The following GAREM1 variants were observed in gnomAD, a reference collection of about 807,000 sequenced individuals.
GAREM1 encodes the protein GRB2-associated and regulator of MAPK protein 1.
Under a neutral mutation model 71.3 loss-of-function variants are expected in GAREM1, and 26 were observed. The observed-to-expected ratio is 0.36, with a 90% confidence interval of 0.27 to 0.51. The LOEUF (loss-of-function observed/expected upper bound fraction) is 0.51, where lower values mean the gene tolerates loss of function less well. GAREM1 is among the 20% of genes least tolerant of loss of function. The probability of loss-of-function intolerance (pLI) is 0.95; values close to 1 mark genes in which losing one functional copy is unlikely to be tolerated. For missense variants in GAREM1, 1,026 were observed against 1,103.1 expected, an observed-to-expected ratio of 0.93 and a Z score of 0.99; for synonymous variants, 440 against 433.2, an observed-to-expected ratio of 1.02 and a Z score of -0.20.
chr18:32,432,039 C>G (rs72933528), intron 1 of GAREM1, among the ~76,000 whole-genome samples: 12,253 of 152,068 alleles, frequency 0.081, 716 homozygotes, highest in African/African-American at 0.16. Flanking sequence ...GTCAGCAGAT[C>G]TGCCCTAAAA....
chr18:32,359,763 G>GT (rs940339981), intron 2 of GAREM1, among the ~76,000 whole-genome samples: 16 of 151,926 alleles, frequency 1.1e-4, no homozygotes, highest in Non-Finnish European at 1.5e-4. Context: ...TCTACAAAAA[G>GT]TTTTTTTAAA....
At chr18:32,392,845 C>A in intron 2 of GAREM1, 50 bp downstream of exon 2, 1 of 1,583,664 alleles carries the variant, frequency 6.3e-7, no homozygotes, top group South Asian at 1.1e-5. Context: ...TTTAGCTATT[C>A]ACATCCCCTT....
At chr18:32,335,981 A>G (rs2047588435) in intron 2 of GAREM1, among the ~76,000 whole-genome samples, 2 of 152,220 alleles carry the variant, frequency 1.3e-5, no homozygotes, top group Admixed American at 1.3e-4. Context: ...ACACTACCAG[A>G]AAGAGTAATG....
intron 1 of GAREM1, among the ~76,000 whole-genome samples, chr18:32,448,134 T>C (rs1262689574): frequency 6.6e-6 from 1 of 152,214 alleles, no homozygotes; most frequent in East Asian, 1.9e-4. Context: ...ACCTATCATT[T>C]ATCAAAGTAC....
At chr18:32,314,651 C>T (rs1259294400) in intron 2 of GAREM1, among the ~76,000 whole-genome samples, 8 of 150,556 alleles carry the variant, frequency 5.3e-5, no homozygotes, top group South Asian at 2.1e-4. Context: ...TGCAATGCTG[C>T]GATCTCAGCT....
intron 1 of GAREM1, chr18:32,412,691 A>G: frequency 2.7e-6 from 4 of 1,502,834 alleles, no homozygotes; most frequent in Non-Finnish European, 3.7e-6. Flanking sequence ...TCTGAATGAC[A>G]ATCTTATCCA....
intron 1 of GAREM1, among the ~76,000 whole-genome samples, chr18:32,439,925 A>C (rs933907404): frequency 2.0e-5 from 3 of 152,134 alleles, no homozygotes; most frequent in Non-Finnish European, 4.4e-5. Flanking sequence ...ACTGCCTCCC[A>C]TTCCTCATCC....
rs542162498 is a variant in GAREM1, at chr18:32,302,503, T to C, written c.393+7690A>G. Among the ~76,000 whole-genome samples, 24 of 152,330 alleles carry C rather than the reference T, an allele frequency of 1.6e-4. No individual in the cohort carries two copies. The South Asian group carries it at 4.8e-3, about 30-fold the overall frequency. ...TTAAAAAGAGGCACTTCTGGGTATA[T>C]ATACACAATGGAATACTATTCAGCT... On this transcript the variant is annotated intron_variant, in intron 3 of 5. Coordinates refer to ENST00000269209, the MANE Select transcript of GAREM1 (RefSeq NM_001242409.2).
intron 1 of GAREM1, among the ~76,000 whole-genome samples, chr18:32,415,272 C>A (rs1380422748): frequency 6.6e-6 from 1 of 151,856 alleles, no homozygotes; most frequent in Admixed American, 6.6e-5. Flanking sequence ...TTCTAACAAG[C>A]ATTTAAAGAA....
chr18:32,441,538 A>C (rs1356693343), intron 1 of GAREM1, among the ~76,000 whole-genome samples: 1 of 152,224 alleles, frequency 6.6e-6, no homozygotes, highest in Non-Finnish European at 1.5e-5. Flanking sequence ...ATTCAAGTGC[A>C]TGACTAAATC....
chr18:32,407,100 T>A (rs996135049), intron 1 of GAREM1, among the ~76,000 whole-genome samples: 6 of 152,212 alleles, frequency 3.9e-5, no homozygotes, highest in African/African-American at 1.4e-4. Context: ...TGCAAGTGCC[T>A]ACGTTTCTAC....
intron 3 of GAREM1, among the ~76,000 whole-genome samples, chr18:32,301,989 G>A (rs1201513044): frequency 6.6e-6 from 1 of 152,146 alleles, no homozygotes; most frequent in African/African-American, 2.4e-5. Flanking sequence ...GAAGGATTTT[G>A]GCTATATTGT....
chr18:32,288,051 C>T lies in GAREM1; in HGVS notation c.546G>A (p.Gly182=). ...CCAGCTTGCTGATGGAATTGAGCTT[C>T]CCAATCTTTTTGAAGATTGTGTTGA... ...SRLNTIFKKI[G]KLNSISKLGK... Residue 182 remains glycine (G), a synonymous_variant, in exon 4 of 6, where the codon GGG becomes GGA. Coordinates refer to ENST00000269209, the MANE Select transcript of GAREM1 (RefSeq NM_001242409.2). 6.2e-7 allele frequency: 1 copy of T among 1,614,066 alleles called. No individual in the cohort carries two copies. Among genetic ancestry groups the T allele is most frequent in the Non-Finnish European group, 8.5e-7 (1 of 1,180,016 alleles).
intron 2 of GAREM1, among the ~76,000 whole-genome samples, chr18:32,322,399 A>G (rs2047437499): frequency 6.6e-6 from 1 of 152,198 alleles, no homozygotes; most frequent in Admixed American, 6.5e-5. Flanking sequence ...TATAGAATGC[A>G]CCATCTGGAA....
chr18:32,342,974 C>T (rs7227973), intron 2 of GAREM1, among the ~76,000 whole-genome samples: 2 of 152,002 alleles, frequency 1.3e-5, no homozygotes, highest in Admixed American at 1.3e-4. Flanking sequence ...CCTGAGCTCA[C>T]ATCAGAGTAT....
intron 2 of GAREM1, among the ~76,000 whole-genome samples, chr18:32,338,014 C>T (rs546166716): frequency 1.3e-4 from 20 of 152,312 alleles, no homozygotes; most frequent in African/African-American, 4.8e-4. Flanking sequence ...AAAACACCCT[C>T]TCAAAGGCAT....
At chr18:32,460,884 A>G (rs2048949067) in intron 1 of GAREM1, among the ~76,000 whole-genome samples, 1 of 152,216 alleles carries the variant, frequency 6.6e-6, no homozygotes, top group Non-Finnish European at 1.5e-5. Context: ...ATGGAAACAC[A>G]TAATATGTAA....
intron 1 of GAREM1, among the ~76,000 whole-genome samples, chr18:32,465,786 TA>T (rs1480079293): frequency 2.0e-5 from 3 of 152,210 alleles, no homozygotes; most frequent in Non-Finnish European, 4.4e-5. Context: ...TACTCTTGTT[TA>T]AAAATTAATG....
chr18:32,410,956 C>G (rs909975219), intron 1 of GAREM1, among the ~76,000 whole-genome samples: 3 of 152,076 alleles, frequency 2.0e-5, no homozygotes, highest in Admixed American at 1.3e-4. Flanking sequence ...GTGAGTGCCA[C>G]CACGCCCAGC....
Sources: allele counts gnomAD v4.1 joint callset (sites outside exome capture counted in the v4.1 genomes callset), GRCh38; gene constraint gnomAD v4.1.1; transcripts MANE v1.5; gene names NCBI Gene and HGNC (gene_info 2026-07-23, HGNC 2026-07-21).